IMMP2L: variants seen among roughly 807,000 people sequenced by gnomAD.
IMMP2L encodes inner mitochondrial membrane peptidase subunit 2.
In IMMP2L, 18 loss-of-function variants were observed where a neutral mutation model predicts 19.3. The observed-to-expected ratio is 0.93, with a 90% CI of 0.64 to 1.38. The LOEUF is 1.38. IMMP2L is among the 40% of genes most tolerant of loss of function. The pLI is 0.00. For missense variants in IMMP2L, 233 were observed against 218.2 expected, an observed-to-expected ratio of 1.07 and a Z score of -0.43; for synonymous variants, 76 against 73.0, an observed-to-expected ratio of 1.04 and a Z score of -0.21.
chr7:111,434,110 A>T (rs1198341308), intron 3 of IMMP2L, among the ~76,000 whole-genome samples: 1 of 151,818 alleles, frequency 6.6e-6, no homozygotes, highest in East Asian at 1.9e-4. Flanking sequence ...TCCATGGTAT[A>T]GAATAGAGAA....
intron 2 of IMMP2L, among the ~76,000 whole-genome samples, chr7:111,520,072 C>T (rs912704855): frequency 1.3e-5 from 2 of 152,030 alleles, no homozygotes; most frequent in African/African-American, 2.4e-5. Flanking sequence ...GACAAGGCTG[C>T]TAGGAATTCA....
intron 3 of IMMP2L, among the ~76,000 whole-genome samples, chr7:111,314,662 T>A (rs556316737): frequency 6.6e-6 from 1 of 152,280 alleles, no homozygotes; most frequent in Non-Finnish European, 1.5e-5. Flanking sequence ...AAAAAGCTAG[T>A]TCTCCTCCTC....
intron 3 of IMMP2L, among the ~76,000 whole-genome samples, chr7:111,095,216 T>G (rs1377883467): frequency 6.6e-6 from 1 of 152,026 alleles, no homozygotes; most frequent in Non-Finnish European, 1.5e-5. Flanking sequence ...TAGTCTAATA[T>G]GTTCATTTGA....
chr7:111,177,687 C>A lies in IMMP2L; in HGVS notation c.240-214122G>T, dbSNP rs76881047. Among the ~76,000 whole-genome samples, 10 of 152,150 alleles carry A rather than the reference C, an allele frequency of 6.6e-5. No individual in the cohort carries two copies. The East Asian group carries it at 1.7e-3, about 27-fold the overall frequency. On this transcript the variant is annotated intron_variant, in intron 3 of 5. Transcript: ENST00000405709. The stretch of plus-strand genomic sequence containing the variant: ...AACTAGAACCATTGTTATTAAGGCC[C>A]TAGAAGATAACACACAAGTTTAATT...
At chr7:111,133,314 G>T (rs978008367) in intron 3 of IMMP2L, among the ~76,000 whole-genome samples, 4 of 152,020 alleles carry the variant, frequency 2.6e-5, no homozygotes, top group Admixed American at 6.6e-5. Flanking sequence ...CACATATTTG[G>T]GGGGAGTACA....
chr7:110,886,133 T>G (rs1008378454), intron 5 of IMMP2L, among the ~76,000 whole-genome samples: 1 of 152,066 alleles, frequency 6.6e-6, no homozygotes, highest in African/African-American at 2.4e-5. Flanking sequence ...GCTGGGACCC[T>G]AAGAGGGTAG....
At chr7:110,936,497 G>A (rs1281410473) in intron 4 of IMMP2L, among the ~76,000 whole-genome samples, 2 of 152,186 alleles carry the variant, frequency 1.3e-5, no homozygotes, top group Non-Finnish European at 2.9e-5. Flanking sequence ...AAACTGCAAT[G>A]AGATACCATC....
At chr7:110,680,026 G>A (rs1035263047) in intron 5 of IMMP2L, among the ~76,000 whole-genome samples, 2 of 152,068 alleles carry the variant, frequency 1.3e-5, no homozygotes, top group African/African-American at 2.4e-5. Flanking sequence ...GTATCATAAC[G>A]AACAATATTC....
intron 3 of IMMP2L, among the ~76,000 whole-genome samples, chr7:111,427,714 T>G (rs1169795306): frequency 6.6e-6 from 1 of 151,810 alleles, no homozygotes; most frequent in Non-Finnish European, 1.5e-5. Flanking sequence ...TTAATCTCCA[T>G]GCTATGTTTC....
chr7:111,129,034 C>G (rs1801594883), intron 3 of IMMP2L, among the ~76,000 whole-genome samples: 1 of 152,084 alleles, frequency 6.6e-6, no homozygotes, highest in Admixed American at 6.5e-5. Flanking sequence ...GTTCCAATAA[C>G]TACAAAGCAT....
intron 3 of IMMP2L, among the ~76,000 whole-genome samples, chr7:111,370,713 G>T (rs1298680883): frequency 6.6e-6 from 1 of 151,754 alleles, no homozygotes; most frequent in Non-Finnish European, 1.5e-5. Context: ...TTGACAAAAA[G>T]GCAGCATGTT....
intron 5 of IMMP2L, among the ~76,000 whole-genome samples, chr7:110,826,130 C>T (rs1473613825): frequency 2.6e-5 from 4 of 152,154 alleles, no homozygotes; most frequent in Admixed American, 6.5e-5. Flanking sequence ...ATCAAAGCCA[C>T]AATGAGATAC....
chr7:111,445,069 T>G (rs755937238), intron 3 of IMMP2L, among the ~76,000 whole-genome samples: 4 of 152,106 alleles, frequency 2.6e-5, no homozygotes, highest in Admixed American at 6.5e-5. Context: ...TTGCTAGATC[T>G]AAACGTCCAT....
At chr7:111,480,928 C>T (rs567230776) in intron 3 of IMMP2L, among the ~76,000 whole-genome samples, 1 of 152,134 alleles carries the variant, frequency 6.6e-6, no homozygotes, top group African/African-American at 2.4e-5. Context: ...GGTCAAGGAA[C>T]CTTTCAAGAT....
rs1482581890 is a variant in IMMP2L at position 110,924,294 on chromosome 7, T to C, written c.306-37599A>G. ...AGGCTTCTGGTGAAAACGTTTGTAG[T>C]TCTGCAGGCAGATAAAAGGGTGTGG... is the stretch of plus-strand genomic sequence containing the variant. On this transcript the variant is annotated intron_variant, in intron 4 of 5. Transcript: ENST00000405709. The surrounding 1 kb of genome is among the most constrained non-coding windows in gnomAD (Gnocchi z 4.2). Among the ~76,000 whole-genome samples the C allele has an allele frequency of 6.6e-6, 1 of 152,206 alleles. No homozygotes were observed. The highest frequency in any genetic ancestry group is 2.4e-5 in the African/African-American group (1 of 41,456).
intron 3 of IMMP2L, among the ~76,000 whole-genome samples, chr7:111,258,763 C>T (rs1337854104): frequency 6.6e-6 from 1 of 152,104 alleles, no homozygotes; most frequent in Non-Finnish European, 1.5e-5. Context: ...GCCTTGACTT[C>T]CTAAAGTGCT....
chr7:110,672,001 T>C (rs1360135918), intron 5 of IMMP2L, among the ~76,000 whole-genome samples: 1 of 152,078 alleles, frequency 6.6e-6, no homozygotes, highest in African/African-American at 2.4e-5. Context: ...CATTTCTGTT[T>C]AGAAGCTGAA....
chr7:111,071,803 T>A (rs1391778651), intron 3 of IMMP2L, among the ~76,000 whole-genome samples: 11 of 152,192 alleles, frequency 7.2e-5, no homozygotes, highest in Non-Finnish European at 8.8e-5. Flanking sequence ...TAACTTGATA[T>A]AGGTGGTGGT....
At chr7:111,473,397 C>T (rs1321025937) in intron 3 of IMMP2L, among the ~76,000 whole-genome samples, 1 of 152,126 alleles carries the variant, frequency 6.6e-6, no homozygotes, top group Admixed American at 6.6e-5. Context: ...TACAAAAGTA[C>T]AGAGCCAGAT....
Sources: allele counts gnomAD v4.1 joint callset (sites outside exome capture counted in the v4.1 genomes callset), GRCh38; gene constraint gnomAD v4.1.1; non-coding constraint Gnocchi (gnomAD v3.1); transcripts MANE v1.5; gene names NCBI Gene and HGNC (gene_info 2026-07-23, HGNC 2026-07-21).